The following CAST variants were observed in gnomAD, a reference collection of about 807,000 sequenced individuals.
CAST encodes MIR583 host.
Under a neutral mutation model 119.6 loss-of-function variants are expected in CAST, and 76 were observed. The observed-to-expected ratio is 0.64, with a 90% CI of 0.53 to 0.77. The LOEUF (loss-of-function observed/expected upper bound fraction) is 0.77, where lower values mean the gene tolerates loss of function less well. Among genes scored for constraint, CAST ranks in the 30% least tolerant of loss-of-function variants. CAST has a pLI of 0.00. For synonymous variants in CAST, 319 were observed against 331.6 expected, an observed-to-expected ratio of 0.96 and a Z score of 0.41; for missense variants, 953 against 946.5, an observed-to-expected ratio of 1.01 and a Z score of -0.09.
At chr5:96,022,104 G>A in the CAST span, among the ~76,000 whole-genome samples, 8 of 152,152 alleles carry the variant, frequency 5.3e-5, no homozygotes, top group African/African-American at 1.9e-4. Context: ...TAGAACATAT[G>A]GGAGGATGTA....
Position 96,740,130 on chromosome 5 carries a change from A to G in CAST, c.879+12A>G. On this transcript the variant is annotated intron_variant, in intron 12 of 31. Transcript: ENST00000675179. ...GGGAACTATTGGCTGTAAGTTAAAT[A>G]ATCATTTACTTTTATTTCACTGTTT... 1 of 1,194,434 alleles carries G rather than the reference A, an allele frequency of 8.4e-7. No homozygotes were observed. The highest frequency in any genetic ancestry group is 1.3e-5 in the South Asian group (1 of 75,490). 74.0% of individuals were successfully genotyped at this position (1,194,434 alleles called of 1,614,324 possible).
chr5:95,963,375 T>C, the CAST span, among the ~76,000 whole-genome samples: 2 of 152,204 alleles, frequency 1.3e-5, no homozygotes, highest in Non-Finnish European at 2.9e-5. Flanking sequence ...AATTACAGAA[T>C]GAATTGGATT....
At chr5:96,174,428 T>TC in the CAST span, among the ~76,000 whole-genome samples, 2 of 152,230 alleles carry the variant, frequency 1.3e-5, no homozygotes, top group African/African-American at 4.8e-5. Flanking sequence ...CAATCATTCT[T>TC]CCACTCCTCC....
chr5:96,041,157 G>C, the CAST span, among the ~76,000 whole-genome samples: 2 of 152,124 alleles, frequency 1.3e-5, no homozygotes, highest in African/African-American at 4.8e-5. Context: ...CTTCTTAAGA[G>C]TACAGTATGG....
At chr5:96,567,342 C>T (rs929661664) in intron 1 of CAST, among the ~76,000 whole-genome samples, 4 of 152,160 alleles carry the variant, frequency 2.6e-5, no homozygotes, top group African/African-American at 9.7e-5. Context: ...AGCTTCGCCT[C>T]AGCATATCTA....
the CAST span, among the ~76,000 whole-genome samples, chr5:96,064,295 G>A: frequency 6.6e-6 from 1 of 152,134 alleles, no homozygotes; most frequent in Non-Finnish European, 1.5e-5. Flanking sequence ...AAGAGTGAAG[G>A]TTGAATAGAG....
chr5:96,529,430 T>C (rs1745652309), upstream of CAST, among the ~76,000 whole-genome samples: 2 of 151,924 alleles, frequency 1.3e-5, no homozygotes, highest in African/African-American at 2.4e-5. Context: ...GTATAATTGA[T>C]AGATAAAAAT....
chr5:96,255,068 A>G, the CAST span, among the ~76,000 whole-genome samples: 2 of 151,996 alleles, frequency 1.3e-5, no homozygotes, highest in Non-Finnish European at 2.9e-5. Flanking sequence ...AAGATAATTT[A>G]TTTTCCTACC....
chr5:96,556,345 A>G (rs1166712433), intron 1 of CAST, among the ~76,000 whole-genome samples: 2 of 152,232 alleles, frequency 1.3e-5, no homozygotes, highest in South Asian at 2.1e-4. Flanking sequence ...CAGCAACAGA[A>G]CAAAGCTGGA....
intron 1 of CAST, among the ~76,000 whole-genome samples, chr5:96,609,009 A>C (rs576749196): frequency 6.6e-6 from 1 of 152,282 alleles, no homozygotes; most frequent in African/African-American, 2.4e-5. Flanking sequence ...CAGGGACACA[A>C]ATCCAAACCA....
the CAST span, among the ~76,000 whole-genome samples, chr5:96,179,992 C>T: frequency 6.6e-6 from 1 of 151,310 alleles, no homozygotes; most frequent in Non-Finnish European, 1.5e-5. Context: ...GCTGAGATTG[C>T]AGCCTGGGAG....
intron 1 of CAST, among the ~76,000 whole-genome samples, chr5:96,636,993 C>T (rs1311819762): frequency 6.6e-6 from 1 of 152,136 alleles, no homozygotes; most frequent in Admixed American, 6.5e-5. Flanking sequence ...TGGAATAGAT[C>T]ACAGTCCCCC....
intron 1 of CAST, among the ~76,000 whole-genome samples, chr5:96,650,240 C>T (rs115099190): frequency 3.5e-3 from 540 of 152,304 alleles, no homozygotes; most frequent in African/African-American, 0.012. Context: ...ATGAGGGTCA[C>T]TTCCAGTTTG....
At chr5:96,186,330 AC>A in the CAST span, among the ~76,000 whole-genome samples, 3 of 152,024 alleles carry the variant, frequency 2.0e-5, no homozygotes, top group Non-Finnish European at 4.4e-5. Flanking sequence ...CTGTTTGAAT[AC>A]CCTTCATTTC....
chr5:96,399,889 G>T, the CAST span: 2 of 1,293,454 alleles, frequency 1.5e-6, no homozygotes, highest in Non-Finnish European at 2.2e-6. Flanking sequence ...AGGCAGAATG[G>T]CAAACATAGT....
At chr5:96,165,249 A>G in the CAST span, among the ~76,000 whole-genome samples, 1 of 151,982 alleles carries the variant, frequency 6.6e-6, no homozygotes, top group African/African-American at 2.4e-5. Context: ...TGGAATAGAG[A>G]AGGGGGATAG....
chr5:96,310,438 A>G, the CAST span, among the ~76,000 whole-genome samples: 3 of 152,196 alleles, frequency 2.0e-5, no homozygotes, highest in Non-Finnish European at 4.4e-5. Context: ...GAACCATGCT[A>G]GCCTCATAAA....
Position 96,773,209 on chromosome 5 carries a change from T to C in CAST, c.*593T>C, listed in dbSNP as rs1480304137. On this transcript the variant is annotated 3_prime_UTR_variant, in exon 32 of 32. Transcript: ENST00000675179. ...CTGCTAATAATAAATTAATAACAGG[T>C]AACCTGGACAAACCAGGAAGCACCA... 1 of 153,752 alleles carries C rather than the reference T, an allele frequency of 6.5e-6. No individual in the cohort carries two copies. 9.5% of individuals were successfully genotyped at this position (153,752 alleles called of 1,614,324 possible).
the CAST span, among the ~76,000 whole-genome samples, chr5:96,297,531 G>T: frequency 6.6e-6 from 1 of 152,006 alleles, no homozygotes; most frequent in Non-Finnish European, 1.5e-5. Flanking sequence ...ACAGCTCTTG[G>T]GATGAGATTT....
Sources: allele counts gnomAD v4.1 joint callset (sites outside exome capture counted in the v4.1 genomes callset), GRCh38; gene constraint gnomAD v4.1.1; transcripts MANE v1.5; gene names NCBI Gene and HGNC (gene_info 2026-07-23, HGNC 2026-07-21).